Variants in DHX9 observed in about 807,000 individuals in gnomAD.
DHX9 encodes the protein ATP-dependent RNA helicase A.
In DHX9, 27 loss-of-function variants were observed where a neutral mutation model predicts 148.7. That is an observed-to-expected ratio of 0.18 (90% CI 0.13 to 0.25). The LOEUF is 0.25. DHX9 is among the 10% of genes least tolerant of loss of function. The probability of loss-of-function intolerance (pLI) is 1.00; values close to 1 mark genes in which losing one functional copy is unlikely to be tolerated. For synonymous variants in DHX9, 529 were observed against 516.6 expected (o/e 1.02, Z -0.33); for missense variants, 796 against 1,559.6 (o/e 0.51, Z 8.25).
chr1:182,882,731 G>T (rs537719833), intron 24 of DHX9, among the ~76,000 whole-genome samples: 1 of 152,070 alleles, frequency 6.6e-6, no homozygotes, highest in Admixed American at 6.5e-5. Flanking sequence ...CGGGCGTGGT[G>T]GCGGGTGCCT....
chr1:182,855,807 A>G, intron 6 of DHX9: 1 of 897,642 alleles, frequency 1.1e-6, no homozygotes, highest in Non-Finnish European at 1.3e-6. Context: ...TCTAGGTTAG[A>G]ATGTATCTGA....
intron 14 of DHX9, among the ~76,000 whole-genome samples, chr1:182,870,840 C>G (rs1381772656): frequency 6.6e-6 from 1 of 152,116 alleles, no homozygotes. Context: ...ACATATTTAA[C>G]CCAGAATATC....
intron 22 of DHX9, 70 bp from the exon 23 acceptor site, chr1:182,881,194 C>T: frequency 6.7e-7 from 1 of 1,495,730 alleles, no homozygotes; most frequent in Admixed American, 2.2e-5. Context: ...CCACAGTCGA[C>T]AGTCCTACCT....
intron 3 of DHX9, among the ~76,000 whole-genome samples, chr1:182,845,196 A>T (rs1668006029): frequency 6.6e-6 from 1 of 152,190 alleles, no homozygotes; most frequent in African/African-American, 2.4e-5. Flanking sequence ...AGATCATCTT[A>T]AAAATGCCTT....
chr1:182,861,330 G>T (rs1007760997), intron 12 of DHX9, among the ~76,000 whole-genome samples: 2 of 152,052 alleles, frequency 1.3e-5, no homozygotes, highest in African/African-American at 2.4e-5. Flanking sequence ...TTGATTTTCC[G>T]ACTCACCCCT....
chr1:182,858,144 A>G lies in DHX9; in HGVS notation c.714A>G (p.Ala238=). ...AACATGGATCAAATAAGAAATTGGC[A>G]GCACAGTCCTGTGCCCTGTCACTTG... ...AREHGSNKKL[A]AQSCALSLVR... Residue 238 remains alanine (A), a synonymous_variant, in exon 8 of 28, where the codon GCA becomes GCG. Coordinates refer to ENST00000367549, the MANE Select transcript of DHX9 (RefSeq NM_001357.5). 2 of 1,613,824 alleles carry G rather than the reference A, an allele frequency of 1.2e-6. No individual in the cohort carries two copies. Among genetic ancestry groups the G allele is most frequent in the Non-Finnish European group, 1.7e-6 (2 of 1,179,936 alleles).
At chr1:182,854,479 C>G (rs1327421312) in intron 6 of DHX9, among the ~76,000 whole-genome samples, 1 of 152,046 alleles carries the variant, frequency 6.6e-6, no homozygotes, top group Non-Finnish European at 1.5e-5. Flanking sequence ...CTGGTTTGTC[C>G]CTAGTTGATG....
intron 16 of DHX9, among the ~76,000 whole-genome samples, 153 bp from the exon 17 acceptor site, chr1:182,875,897 A>G (rs1243819784): frequency 6.6e-6 from 1 of 152,164 alleles, no homozygotes; most frequent in African/African-American, 2.4e-5. Context: ...ACATTTTTGG[A>G]AATTAAATTT....
At chr1:182,847,688 GA>G (rs1668057793) in intron 3 of DHX9, among the ~76,000 whole-genome samples, 1 of 152,164 alleles carries the variant, frequency 6.6e-6, no homozygotes, top group South Asian at 2.1e-4. Context: ...AGGCCAAAAA[GA>G]TGGTTTCATT....
rs201911579 is a variant in DHX9 at position 182,887,273 on chromosome 1, T to C, written c.3652T>C (p.Tyr1218His). The part of the protein sequence containing the change: ...AGYGAGVGGG[Y>H]RGVSRGGFRG... ...ATATGGTGCAGGTGTTGGTGGAGGC[T>C]ATAGAGGAGTTTCCCGAGGTGGCTT... is the stretch of plus-strand genomic sequence containing the variant. Residue 1218 changes from tyrosine (Y) to histidine (H), a missense_variant, in exon 28 of 28, where the codon TAT becomes CAT. Around this residue, in one of 14 missense-constraint regions of DHX9, gnomAD observed 98 missense variants for 105.5 expected, o/e 0.93. Coordinates refer to ENST00000367549, the MANE Select transcript of DHX9 (RefSeq NM_001357.5). 1.2e-6 allele frequency: 2 copies of C among 1,613,916 alleles called. No individual in the cohort carries two copies. The highest frequency in any genetic ancestry group is 1.7e-6 in the Non-Finnish European group (2 of 1,179,992).
chr1:182,853,545 A>G (rs1038440262), intron 5 of DHX9, 127 bp downstream of exon 5: 9 of 619,858 alleles, frequency 1.5e-5, no homozygotes, highest in South Asian at 2.4e-5. Flanking sequence ...ATTTGAGACT[A>G]CTTATTAGCA....
intron 7 of DHX9, 108 bp downstream of exon 7, chr1:182,856,686 C>G (rs1227329571): frequency 1.1e-6 from 1 of 927,640 alleles, no homozygotes; most frequent in Non-Finnish European, 1.7e-6. Flanking sequence ...TGAAAGAGCA[C>G]ATAATGTAAG....
chr1:182,876,623 A>C (rs868689912), intron 18 of DHX9, 82 bp downstream of exon 18: 9 of 1,289,350 alleles, frequency 7.0e-6, no homozygotes, highest in Non-Finnish European at 8.9e-6. Flanking sequence ...AGAGCTACCC[A>C]AAAAATTGTA....
At position 182,846,331 on chromosome 1, in the gene DHX9, G is replaced by A. The variant is rs1571296623; in HGVS notation, c.252+2897G>A. Among the ~76,000 whole-genome samples the A allele has an allele frequency of 5.3e-5, 8 of 152,080 alleles. No individual in the cohort carries two copies. The South Asian group carries it at 1.7e-3, about 32-fold the overall frequency. ...CGGCTCACCGCCACCTTTGCCTCCGGGTTCAAGCGATTCTCCTGCCTCAGG... is the reference window on the plus strand; with the variant it reads ...CGGCTCACCGCCACCTTTGCCTCCGAGTTCAAGCGATTCTCCTGCCTCAGG... On this transcript the variant is annotated intron_variant, in intron 3 of 27. Transcript: ENST00000367549.
chr1:182,862,331 A>G (rs1181992908), intron 12 of DHX9, among the ~76,000 whole-genome samples: 1 of 152,182 alleles, frequency 6.6e-6, no homozygotes, highest in Non-Finnish European at 1.5e-5. Context: ...TAAATTCTCA[A>G]CCAAACTCAC....
intron 15 of DHX9, among the ~76,000 whole-genome samples, chr1:182,872,818 T>A (rs899750071): frequency 6.6e-6 from 1 of 152,206 alleles, no homozygotes; most frequent in Non-Finnish European, 1.5e-5. Flanking sequence ...TAGGTAATTA[T>A]GGGAATTACT....
In DHX9 at chr1:182,884,766, C is replaced by T. The variant is rs1649246714; in HGVS notation, c.3414C>T (p.Ile1138=). 6.2e-7 allele frequency: 1 copy of T among 1,614,150 alleles called. No homozygotes were observed. The highest frequency in any genetic ancestry group is 1.1e-5 in the South Asian group (1 of 91,082). ...NERMLNMIRQ[I]SRPSAAGINL... ...GTATGCTGAACATGATCCGTCAGAT[C>T]TCTAGACCCTCAGCTGCTGGTATCA... Residue 1138 remains isoleucine (I), a synonymous_variant, in exon 27 of 28, where the codon ATC becomes ATT. Coordinates refer to ENST00000367549, the MANE Select transcript of DHX9 (RefSeq NM_001357.5).
intron 7 of DHX9, 127 bp downstream of exon 7, chr1:182,856,705 T>C: frequency 1.4e-6 from 1 of 722,450 alleles, no homozygotes; most frequent in East Asian, 2.7e-5. Context: ...AGATAGCATC[T>C]AGGGTATATT....
intron 24 of DHX9, among the ~76,000 whole-genome samples, chr1:182,882,609 G>A (rs962636431): frequency 6.6e-6 from 1 of 152,166 alleles, no homozygotes; most frequent in Non-Finnish European, 1.5e-5. Flanking sequence ...GCTCACACCT[G>A]TAATCCCAGC....
Sources: allele counts gnomAD v4.1 joint callset (sites outside exome capture counted in the v4.1 genomes callset), GRCh38; gene constraint gnomAD v4.1.1; regional missense constraint gnomAD v4.1.1; transcripts MANE v1.5; gene names NCBI Gene and HGNC (gene_info 2026-07-23, HGNC 2026-07-21).